Variants in DYM observed in about 807,000 individuals in gnomAD.
DYM encodes dymeclin, also known as dyggve-Melchior-Clausen syndrome protein.
DYM carries 78 observed loss-of-function variants against 93.1 expected under a neutral mutation model. The observed-to-expected ratio is 0.84, with a 90% confidence interval of 0.70 to 1.01. The LOEUF (loss-of-function observed/expected upper bound fraction) is 1.01. DYM is among the 50% of genes least tolerant of loss of function. The pLI, the probability that DYM is intolerant of heterozygous loss-of-function variation, is 0.00. For missense variants in DYM, 789 were observed against 845.0 expected, an observed-to-expected ratio of 0.93 and a Z score of 0.82; for synonymous variants, 321 against 319.7, an observed-to-expected ratio of 1.00 and a Z score of -0.04.
At chr18:49,458,666 C>T (rs1435885852) in intron 1 of DYM, among the ~76,000 whole-genome samples, 1 of 151,924 alleles carries the variant, frequency 6.6e-6, no homozygotes, top group Non-Finnish European at 1.5e-5. Flanking sequence ...ATGAGACCCC[C>T]GTCTCTACTA....
At chr18:49,435,342 T>C (rs1425126753) in intron 1 of DYM, among the ~76,000 whole-genome samples, 4 of 151,562 alleles carry the variant, frequency 2.6e-5, no homozygotes, top group Non-Finnish European at 4.4e-5. Context: ...GAAGTGGTGA[T>C]GTTGTTATTG....
At chr18:49,309,579 G>A (rs1346983725) in intron 8 of DYM, among the ~76,000 whole-genome samples, 1 of 152,118 alleles carries the variant, frequency 6.6e-6, no homozygotes, top group Non-Finnish European at 1.5e-5. Flanking sequence ...AGGCTGCAGT[G>A]AGCCATGATC....
intron 11 of DYM, among the ~76,000 whole-genome samples, chr18:49,261,606 T>C (rs912449054): frequency 1.3e-5 from 2 of 152,170 alleles, no homozygotes; most frequent in Non-Finnish European, 2.9e-5. Context: ...GAGGTTGCAG[T>C]GACTGCACTC....
chr18:49,187,210 G>T (rs145302921), intron 14 of DYM, among the ~76,000 whole-genome samples: 237 of 152,188 alleles, frequency 1.6e-3, no homozygotes, highest in African/African-American at 5.3e-3. Flanking sequence ...GAGCCACTGC[G>T]CCCGGCCGCT....
chr18:49,318,053 A>C (rs2146522909), intron 8 of DYM, among the ~76,000 whole-genome samples: 1 of 151,654 alleles, frequency 6.6e-6, no homozygotes, highest in Admixed American at 6.6e-5. Context: ...CTAATTCTCT[A>C]CTCCATTTCA....
chr18:49,061,131 T>G (rs182027418), intron 17 of DYM, among the ~76,000 whole-genome samples: 57 of 152,036 alleles, frequency 3.7e-4, no homozygotes, highest in Non-Finnish European at 7.2e-4. Flanking sequence ...GACATGGAGA[T>G]AAAACATGTA....
At position 49,391,636 on chromosome 18, in the gene DYM, C is replaced by A; in HGVS notation, c.150G>T (p.Leu50Phe). 1 of 1,613,062 alleles carries A rather than the reference C, an allele frequency of 6.2e-7. No individual in the cohort carries two copies. The highest frequency in any genetic ancestry group is 8.5e-7 in the Non-Finnish European group (1 of 1,179,314). Residue 50 changes from leucine (L) to phenylalanine (F), a missense_variant, in exon 3 of 18, where the codon TTG becomes TTT. Coordinates refer to ENST00000675505, the MANE Select transcript of DYM (RefSeq NM_001353214.3). ...SFPAPTSSSE[L>F]KLLEEATISV... ...AAATGGTTGCTTCCTCCAAGAGTTT[C>A]AACTCACTACTGGAGAGACAGAAGA...
chr18:49,164,061 T>C (rs1298986451), intron 14 of DYM, among the ~76,000 whole-genome samples: 1 of 152,106 alleles, frequency 6.6e-6, no homozygotes, highest in Non-Finnish European at 1.5e-5. Context: ...ATAAGATTAC[T>C]ATAGGGAAAA....
At position 49,407,107 on chromosome 18, in the gene DYM, G is replaced by A. The variant is rs371704188; in HGVS notation, c.141-15462C>T. Among the ~76,000 whole-genome samples the A allele has an allele frequency of 1.6e-4, 25 of 152,240 alleles. No individual in the cohort carries two copies. In the East Asian group the frequency reaches 2.9e-3, roughly 18 times the overall value. On this transcript the variant is annotated intron_variant, in intron 2 of 17. Coordinates refer to ENST00000675505, the MANE Select transcript of DYM (RefSeq NM_001353214.3). ...AAAAGAGCCCTTCTCAAAATGTTAC[G>A]TAATGTAAAATTCCATTTACATAAT...
rs566147274 is a variant in DYM at position 49,386,905 on chromosome 18, C to T, written c.193+4688G>A. On this transcript the variant is annotated intron_variant, in intron 3 of 17. Coordinates refer to ENST00000675505, the MANE Select transcript of DYM (RefSeq NM_001353214.3). ...GTGCTCACTTCATGTCTCTGCATCA[C>T]GTTTTGGTAGTTCTTGCAAAATTTC... Among the ~76,000 whole-genome samples the T allele has an allele frequency of 4.9e-4, 74 of 151,646 alleles. No individual in the cohort carries two copies. In the Middle Eastern group the frequency reaches 0.024, roughly 49 times the overall value.
intron 13 of DYM, among the ~76,000 whole-genome samples, chr18:49,214,067 C>G (rs1244423416): frequency 6.6e-6 from 1 of 152,116 alleles, no homozygotes; most frequent in African/African-American, 2.4e-5. Context: ...GACACGGATT[C>G]CCTTACAGAA....
At chr18:49,213,233 T>A (rs2092870858) in intron 13 of DYM, among the ~76,000 whole-genome samples, 1 of 151,652 alleles carries the variant, frequency 6.6e-6, no homozygotes, top group South Asian at 2.1e-4. Context: ...AGTTTTCTAA[T>A]AATGTATTTT....
At chr18:49,318,791 CTTTT>C (rs1384051385) in intron 8 of DYM, among the ~76,000 whole-genome samples, 1 of 140,338 alleles carries the variant, frequency 7.1e-6, no homozygotes, top group Non-Finnish European at 1.5e-5. Context: ...AACATTATTT[CTTTT>C]TCTTTTTTTT....
rs1206703604 is a variant in DYM, at chr18:49,040,987, ATCG to A, written c.*3065_*3067del. ...TGGTCCTGTGTCCTTTCCACTTTCTATCGTCTACTTCCCAGCTCCTGTGCTTTC... is the reference window on the plus strand; with the variant it reads ...TGGTCCTGTGTCCTTTCCACTTTCTATCTACTTCCCAGCTCCTGTGCTTTC... On this transcript the variant is annotated 3_prime_UTR_variant, in exon 18 of 18. Transcript: ENST00000675505. 2.0e-5 allele frequency among the ~76,000 whole-genome samples: 3 copies of A among 152,240 alleles called. No homozygotes were observed. The East Asian group carries it at 5.8e-4, about 29-fold the overall frequency.
intron 14 of DYM, among the ~76,000 whole-genome samples, chr18:49,197,433 C>A (rs1805974778): frequency 6.6e-6 from 1 of 152,080 alleles, no homozygotes; most frequent in South Asian, 2.1e-4. Flanking sequence ...CCTAGTTCAT[C>A]TGTTGAGGTC....
rs959276072 is a variant in DYM, at chr18:49,158,329, T to A, written c.1728+5356A>T. 3.3e-5 allele frequency among the ~76,000 whole-genome samples: 5 copies of A among 152,230 alleles called. No homozygotes were observed. The East Asian group carries it at 9.6e-4, about 29-fold the overall frequency. On this transcript the variant is annotated intron_variant, in intron 15 of 17. Transcript: ENST00000675505. Reference sequence around the variant, plus strand: ...ATGCCTTCTTCATTTTTACCTCTTATACCATGGTAAAGTAATGTAAAACAA... The same window carrying A: ...ATGCCTTCTTCATTTTTACCTCTTAAACCATGGTAAAGTAATGTAAAACAA...
At position 49,363,096 on chromosome 18, in the gene DYM, A is replaced by T. The variant is rs534750144; in HGVS notation, c.494+65T>A. ...TACAAGGACCCACAAACTTCTCAAC[A>T]TGATCAATGATTATCTGCCATATAC... On this transcript the variant is annotated intron_variant, in intron 6 of 17. Coordinates refer to ENST00000675505, the MANE Select transcript of DYM (RefSeq NM_001353214.3). The T allele has an allele frequency of 1.0e-4, 139 of 1,332,462 alleles. No homozygotes were observed. In the South Asian group the frequency reaches 1.5e-3, roughly 15 times the overall value. 82.5% of individuals were successfully genotyped at this position (1,332,462 alleles called of 1,614,324 possible).
chr18:49,204,980 A>G (rs1230347007), intron 14 of DYM, among the ~76,000 whole-genome samples: 1 of 152,202 alleles, frequency 6.6e-6, no homozygotes, highest in Non-Finnish European at 1.5e-5. Context: ...TTATTTCTTG[A>G]GACAGAGTCT....
At chr18:49,322,246 A>C (rs990910352) in intron 8 of DYM, among the ~76,000 whole-genome samples, 1 of 152,158 alleles carries the variant, frequency 6.6e-6, no homozygotes, top group Non-Finnish European at 1.5e-5. Flanking sequence ...ATTCAAATGG[A>C]AAAACCATAT....
Sources: allele counts gnomAD v4.1 joint callset (sites outside exome capture counted in the v4.1 genomes callset), GRCh38; gene constraint gnomAD v4.1.1; transcripts MANE v1.5; gene names NCBI Gene and HGNC (gene_info 2026-07-23, HGNC 2026-07-21).